SYCP2L: variants seen among roughly 807,000 people sequenced by gnomAD.
SYCP2L encodes synaptonemal complex protein 2-like.
Under a neutral mutation model 125.8 loss-of-function variants are expected in SYCP2L, and 98 were observed. The ratio of observed to expected loss-of-function variants is 0.78; its 90% CI spans 0.66 to 0.92. SYCP2L has a LOEUF of 0.92. Ranked by LOEUF, SYCP2L falls within the 40% of genes least tolerant of loss-of-function variation. The probability of loss-of-function intolerance (pLI) is 0.00; values close to 1 mark genes in which losing one functional copy is unlikely to be tolerated. For missense variants in SYCP2L, 842 were observed against 936.4 expected (o/e 0.90, Z 1.32); for synonymous variants, 317 against 325.4 (o/e 0.97, Z 0.28).
intron 29 of SYCP2L, among the ~76,000 whole-genome samples, chr6:10,967,973 G>A (rs948288334): frequency 1.3e-5 from 2 of 152,178 alleles, no homozygotes; most frequent in African/African-American, 2.4e-5. Context: ...GGCAATCTCA[G>A]TCCAAGAAAT....
In SYCP2L at chr6:10,955,308, A is replaced by G. The variant is rs147265333; in HGVS notation, c.2056+91A>G. Reference sequence around the variant, plus strand: ...ACAACATGAATCACAAGGGAGGTATAGTTTTAAGATCATAGTAGCTACAAA... The same window carrying G: ...ACAACATGAATCACAAGGGAGGTATGGTTTTAAGATCATAGTAGCTACAAA... On this transcript the variant is annotated intron_variant, in intron 24 of 29. Transcript: ENST00000283141. 4,253 of 786,704 alleles carry G rather than the reference A, an allele frequency of 5.4e-3. 23 individuals are homozygous for G. Among genetic ancestry groups the G allele is most frequent in the Admixed American group, 7.4e-3 (343 of 46,082 alleles). 48.7% of individuals were successfully genotyped at this position (786,704 alleles called of 1,614,324 possible).
intron 23 of SYCP2L, among the ~76,000 whole-genome samples, chr6:10,951,671 T>C (rs1433708982): frequency 1.3e-5 from 2 of 152,186 alleles, no homozygotes. Flanking sequence ...GTACTTGCCT[T>C]GGGAAAGCGC....
intron 23 of SYCP2L, among the ~76,000 whole-genome samples, chr6:10,952,584 G>GAAAAA (rs5874297): frequency 6.9e-6 from 1 of 144,190 alleles, no homozygotes; most frequent in Non-Finnish European, 1.5e-5. Context: ...TTGCCACCAA[G>GAAAAA]AAAAAAAAAA....
chr6:10,955,041 C>T (rs1294896920), intron 23 of SYCP2L, 75 bp from the exon 24 acceptor site: 19 of 1,002,620 alleles, frequency 1.9e-5, no homozygotes, highest in Non-Finnish European at 2.8e-5. Context: ...GTACTCTTCA[C>T]AGTAAGACAT....
intron 14 of SYCP2L, among the ~76,000 whole-genome samples, chr6:10,920,563 CAG>C (rs1392062664): frequency 5.9e-5 from 9 of 152,196 alleles, no homozygotes; most frequent in Non-Finnish European, 1.2e-4. Context: ...GCTTGCAGCA[CAG>C]AGAGTGCCTC....
At chr6:10,961,653 C>A in intron 28 of SYCP2L, 95 bp downstream of exon 28, 1 of 1,236,228 alleles carries the variant, frequency 8.1e-7, no homozygotes, top group Non-Finnish European at 1.2e-6. Context: ...GTAAAACTCC[C>A]ATAACTAATG....
chr6:10,934,085 T>C (rs1233675197), intron 20 of SYCP2L, among the ~76,000 whole-genome samples: 2 of 152,222 alleles, frequency 1.3e-5, no homozygotes, highest in African/African-American at 2.4e-5. Flanking sequence ...CCTAGGACTT[T>C]AGACAGGCAC....
At chr6:10,970,046 G>A (rs1781744867) in intron 29 of SYCP2L, among the ~76,000 whole-genome samples, 1 of 152,158 alleles carries the variant, frequency 6.6e-6, no homozygotes, top group Admixed American at 6.5e-5. Flanking sequence ...AGGATTGAGT[G>A]TGGTAATAAA....
chr6:10,936,810 G>A (rs934407818), intron 21 of SYCP2L, among the ~76,000 whole-genome samples: 3 of 152,166 alleles, frequency 2.0e-5, no homozygotes, highest in Non-Finnish European at 4.4e-5. Context: ...ACCTACATCA[G>A]GCAAAATAGA....
chr6:10,887,169 C>A, intron 1 of SYCP2L, 34 bp downstream of exon 1: 1 of 1,613,980 alleles, frequency 6.2e-7, no homozygotes, highest in Non-Finnish European at 8.5e-7. Flanking sequence ...GACCTTCTGT[C>A]CACAGTGCTA....
Position 10,894,117 on chromosome 6 carries a change from A to G in SYCP2L, c.249A>G (p.Ser83=). The G allele has an allele frequency of 6.2e-7, 1 of 1,613,346 alleles. No individual in the cohort carries two copies. Among genetic ancestry groups the G allele is most frequent in the African/African-American group, 1.3e-5 (1 of 75,032 alleles). ...ELDKNEFQSV[S]LLLKCIQRFL... Reference sequence around the variant, plus strand: ...ATAAAAATGAATTTCAGTCTGTGTCACTGTTGCTGAAATGTATTCAGCGAT... The same window carrying G: ...ATAAAAATGAATTTCAGTCTGTGTCGCTGTTGCTGAAATGTATTCAGCGAT... The change falls in exon 4 of 30, where the codon TCA becomes TCG. Residue 83 remains serine, a synonymous_variant. Transcript: ENST00000283141.
rs1040667671 is a variant in SYCP2L, at chr6:10,923,966, G to A, written c.1073-530G>A. On this transcript the variant is annotated intron_variant, in intron 14 of 29. Transcript: ENST00000283141. ...CCCAAAGTGCTGGGATTACAGGCGT[G>A]AGCCACCACGCCTGGCCTACAGAAT... 5.9e-5 allele frequency among the ~76,000 whole-genome samples: 9 copies of A among 152,312 alleles called. No individual in the cohort carries two copies. The East Asian group carries it at 1.5e-3, about 26-fold the overall frequency.
intron 29 of SYCP2L, 40 bp downstream of exon 29, chr6:10,963,883 G>A (rs1351261199): frequency 2.1e-5 from 32 of 1,519,524 alleles, no homozygotes; most frequent in South Asian, 4.5e-5. Flanking sequence ...GATGTGAATC[G>A]GGGTCAGGGC....
chr6:10,911,899 T>C (rs992184771), intron 12 of SYCP2L, among the ~76,000 whole-genome samples: 2,093 of 112,634 alleles, frequency 0.019, 81 homozygotes, highest in African/African-American at 0.067. Flanking sequence ...AAAAGCTTTT[T>C]TTTTTTTTTT....
chr6:10,938,807 A>C (rs577360850), intron 21 of SYCP2L, among the ~76,000 whole-genome samples: 1 of 152,312 alleles, frequency 6.6e-6, no homozygotes, highest in Non-Finnish European at 1.5e-5. Context: ...CACTAACAGT[A>C]AACTGTCTAA....
intron 29 of SYCP2L, among the ~76,000 whole-genome samples, chr6:10,964,111 C>T (rs1438161765): frequency 1.3e-5 from 2 of 152,026 alleles, no homozygotes; most frequent in Non-Finnish European, 2.9e-5. Flanking sequence ...GCACCCGCCA[C>T]CACGCCCGGC....
At chr6:10,966,924 AAT>A (rs1158167561) in intron 29 of SYCP2L, among the ~76,000 whole-genome samples, 1 of 152,182 alleles carries the variant, frequency 6.6e-6, no homozygotes, top group African/African-American at 2.4e-5. Context: ...TAGAAACAGC[AAT>A]ATGTCAATAA....
intron 14 of SYCP2L, among the ~76,000 whole-genome samples, chr6:10,920,029 T>C (rs1247095450): frequency 6.6e-6 from 1 of 151,460 alleles, no homozygotes; most frequent in Non-Finnish European, 1.5e-5. Flanking sequence ...AGGGAGAGAG[T>C]GAGGAAGTGT....
At chr6:10,928,841 C>T (rs1045965695) in intron 18 of SYCP2L, among the ~76,000 whole-genome samples, 7 of 151,980 alleles carry the variant, frequency 4.6e-5, no homozygotes, top group African/African-American at 1.7e-4. Flanking sequence ...CCCCATCAGC[C>T]ATCTGTCAAT....
Sources: gnomAD v4.1 joint callset for allele counts (sites outside exome capture counted in the v4.1 genomes callset) on GRCh38, gnomAD v4.1.1 for gene constraint, MANE v1.5 for transcripts, NCBI Gene and HGNC (gene_info 2026-07-23, HGNC 2026-07-21) for gene names.